Variants in ZNF385D observed in about 807,000 individuals in gnomAD.
ZNF385D encodes zinc finger protein 385D.
Under a neutral mutation model 35.8 loss-of-function variants are expected in ZNF385D, and 15 were observed. The ratio of observed to expected loss-of-function variants is 0.42; its 90% confidence interval spans 0.28 to 0.64. ZNF385D has a LOEUF of 0.64. Ranked by LOEUF, ZNF385D falls within the 30% of genes least tolerant of loss-of-function variation. The probability of loss-of-function intolerance (pLI) is 0.23; values close to 1 mark genes in which losing one functional copy is unlikely to be tolerated. For missense variants in ZNF385D, 474 were observed against 494.6 expected (o/e 0.96, Z 0.39); for synonymous variants, 212 against 186.8 (o/e 1.13, Z -1.10).
At chr3:21,911,705 C>T (rs934729869) in intron 3 of ZNF385D, among the ~76,000 whole-genome samples, 1 of 151,870 alleles carries the variant, frequency 6.6e-6, no homozygotes. Context: ...ATAATTTCCT[C>T]ATTTCAACTA....
chr3:22,302,915 C>G (rs1469587007), intron 2 of ZNF385D, among the ~76,000 whole-genome samples: 2 of 151,952 alleles, frequency 1.3e-5, no homozygotes, highest in African/African-American at 4.8e-5. Context: ...GTAATGATGA[C>G]AGGGAGTTTT....
At chr3:21,826,433 G>C (rs1161335737) in intron 3 of ZNF385D, among the ~76,000 whole-genome samples, 1 of 152,156 alleles carries the variant, frequency 6.6e-6, no homozygotes, top group Non-Finnish European at 1.5e-5. Flanking sequence ...GGTGACACTA[G>C]TTGGAAGAAA....
chr3:22,066,101 C>A (rs1172180031), intron 3 of ZNF385D, among the ~76,000 whole-genome samples: 9 of 151,954 alleles, frequency 5.9e-5, no homozygotes, highest in African/African-American at 1.7e-4. Flanking sequence ...AAAGGGGAGC[C>A]AACCGAGAAG....
chr3:21,486,067 G>T (rs944349826), intron 4 of ZNF385D, among the ~76,000 whole-genome samples: 8 of 137,488 alleles, frequency 5.8e-5, no homozygotes, highest in African/African-American at 2.2e-4. Context: ...GTTAGGATTG[G>T]GTCACCAGCT....
At chr3:22,096,700 G>C (rs1272382927) in intron 3 of ZNF385D, among the ~76,000 whole-genome samples, 1 of 151,990 alleles carries the variant, frequency 6.6e-6, no homozygotes, top group East Asian at 1.9e-4. Flanking sequence ...TCAAAATAAA[G>C]TGTCATTTCT....
chr3:21,529,709 G>A (rs2125529135), intron 3 of ZNF385D, among the ~76,000 whole-genome samples: 1 of 152,246 alleles, frequency 6.6e-6, no homozygotes, highest in East Asian at 1.9e-4. Context: ...CAAACCACAG[G>A]TCTAGGAGCT....
At chr3:22,334,810 T>A (rs7613837) in intron 2 of ZNF385D, among the ~76,000 whole-genome samples, 11 of 151,948 alleles carry the variant, frequency 7.2e-5, no homozygotes, top group Admixed American at 7.2e-4. Context: ...TCTGGTTAGC[T>A]TTTATAGGAC....
At chr3:22,124,983 A>C (rs112830843) in intron 3 of ZNF385D, among the ~76,000 whole-genome samples, 3 of 152,114 alleles carry the variant, frequency 2.0e-5, no homozygotes, top group African/African-American at 7.2e-5. Flanking sequence ...TATTCAAGAA[A>C]TATTTTCCCA....
intron 3 of ZNF385D, among the ~76,000 whole-genome samples, chr3:22,109,230 G>A (rs956230950): frequency 6.6e-6 from 1 of 152,002 alleles, no homozygotes; most frequent in African/African-American, 2.4e-5. Context: ...CTCAGTCAGA[G>A]GTCCAGTCCT....
At chr3:22,226,729 C>T (rs1309651099) in intron 2 of ZNF385D, among the ~76,000 whole-genome samples, 3 of 152,114 alleles carry the variant, frequency 2.0e-5, no homozygotes, top group Admixed American at 2.0e-4. Context: ...ACTCATCAGT[C>T]ATGTCTTTAT....
At chr3:21,454,221 G>A (rs1391222152) in intron 4 of ZNF385D, among the ~76,000 whole-genome samples, 4 of 152,012 alleles carry the variant, frequency 2.6e-5, no homozygotes, top group East Asian at 1.9e-4. Flanking sequence ...GAATTAAGAG[G>A]TAAAGGTTTC....
chr3:21,815,856 C>T (rs958600942), intron 3 of ZNF385D, among the ~76,000 whole-genome samples: 9 of 152,060 alleles, frequency 5.9e-5, no homozygotes, highest in African/African-American at 1.4e-4. Flanking sequence ...CTGATACCAA[C>T]GCCTGGCAGA....
chr3:21,769,290 A>C (rs940491199), intron 3 of ZNF385D, among the ~76,000 whole-genome samples: 1 of 81,004 alleles, frequency 1.2e-5, no homozygotes, highest in African/African-American at 6.6e-5. Flanking sequence ...GAGGAAGTCA[A>C]ATTGTCCCTG....
intron 2 of ZNF385D, among the ~76,000 whole-genome samples, chr3:21,608,012 C>CTTCTTTTTTTTTTTTT (rs2064536095): frequency 5.6e-5 from 7 of 123,972 alleles, no homozygotes; most frequent in African/African-American, 1.9e-4. Flanking sequence ...TCTTTTTCTT[C>CTTCTTTTTTTTTTTTT]TTTTTTTTTT....
At chr3:21,721,971 G>C (rs1297349097) in intron 1 of ZNF385D, among the ~76,000 whole-genome samples, 3 of 152,008 alleles carry the variant, frequency 2.0e-5, no homozygotes, top group African/African-American at 7.2e-5. Flanking sequence ...GTGGTGGCGT[G>C]TGCCTATAGT....
intron 3 of ZNF385D, among the ~76,000 whole-genome samples, chr3:22,140,833 C>A (rs1394086826): frequency 6.6e-6 from 1 of 152,154 alleles, no homozygotes; most frequent in East Asian, 1.9e-4. Flanking sequence ...AGGGGCAGGG[C>A]AAGGTTGTCC....
intron 3 of ZNF385D, among the ~76,000 whole-genome samples, chr3:22,129,311 G>A (rs559913828): frequency 2.0e-5 from 3 of 152,234 alleles, no homozygotes; most frequent in Non-Finnish European, 4.4e-5. Context: ...CTTGCCTAAG[G>A]CCTGTTGTGA....
At chr3:22,340,699 ATACAAG>A (rs1430783210) in intron 2 of ZNF385D, among the ~76,000 whole-genome samples, 1 of 152,162 alleles carries the variant, frequency 6.6e-6, no homozygotes, top group Non-Finnish European at 1.5e-5. Flanking sequence ...AGAGATACAA[ATACAAG>A]TACATGATAG....
intron 3 of ZNF385D, among the ~76,000 whole-genome samples, chr3:21,893,333 A>C (rs780537364): frequency 4.6e-5 from 7 of 152,194 alleles, no homozygotes; most frequent in South Asian, 2.1e-4. Flanking sequence ...TATGACACAA[A>C]ATGTAAAACA....
Sources: gnomAD v4.1 joint callset for allele counts (sites outside exome capture counted in the v4.1 genomes callset) on GRCh38, gnomAD v4.1.1 for gene constraint, MANE v1.5 for transcripts, NCBI Gene and HGNC (gene_info 2026-07-23, HGNC 2026-07-21) for gene names.